C2CD3: variants seen among roughly 807,000 people sequenced by gnomAD.
C2CD3 encodes C2 domain containing 3 centriole elongation regulator, also known as C2 domain-containing protein 3.
In C2CD3, 148 loss-of-function variants were observed where a neutral mutation model predicts 234.0. The ratio of observed to expected loss-of-function variants is 0.63; its 90% confidence interval spans 0.55 to 0.72. The LOEUF (loss-of-function observed/expected upper bound fraction) is 0.72. C2CD3 is among the 30% of genes least tolerant of loss of function. The probability of loss-of-function intolerance (pLI) is 0.00; values close to 1 mark genes in which losing one functional copy is unlikely to be tolerated. For missense variants in C2CD3, 2,577 were observed against 2,811.5 expected (o/e 0.92, Z 1.89); for synonymous variants, 1,000 against 1,035.4 (o/e 0.97, Z 0.66).
intron 23 of C2CD3, among the ~76,000 whole-genome samples, chr11:74,077,807 AT>A (rs1955122960): frequency 4.3e-5 from 1 of 23,316 alleles, no homozygotes; most frequent in Non-Finnish European, 8.2e-5. Context: ...ATATATATAT[AT>A]ATATATATAT....
chr11:74,145,269 T>C (rs191760788), intron 3 of C2CD3, among the ~76,000 whole-genome samples: 1 of 152,340 alleles, frequency 6.6e-6, no homozygotes, highest in Admixed American at 6.5e-5. Context: ...TTCTGACTGG[T>C]GTAAGCCATT....
intron 30 of C2CD3, among the ~76,000 whole-genome samples, chr11:74,035,562 C>T (rs1465049657): frequency 1.3e-5 from 2 of 152,156 alleles, no homozygotes; most frequent in African/African-American, 2.4e-5. Flanking sequence ...ATCTCTAGGG[C>T]CTAGCCTAGC....
intron 3 of C2CD3, among the ~76,000 whole-genome samples, chr11:74,156,786 A>G (rs905600589): frequency 2.0e-5 from 3 of 152,222 alleles, no homozygotes; most frequent in Non-Finnish European, 2.9e-5. Flanking sequence ...CCTGGCCAAC[A>G]GGGTGAAAAC....
At chr11:74,122,915 T>TCTGG (rs1202353887) in intron 8 of C2CD3, 73 bp downstream of exon 8, 3 of 1,249,288 alleles carry the variant, frequency 2.4e-6, no homozygotes, top group Non-Finnish European at 3.5e-6. Flanking sequence ...TGCATAGCTG[T>TCTGG]CATGCCTGCA....
intron 3 of C2CD3, 23 bp from the exon 4 acceptor site, chr11:74,139,851 G>A (rs747678133): frequency 7.5e-6 from 11 of 1,459,938 alleles, no homozygotes; most frequent in South Asian, 1.1e-5. Context: ...GGTAGTATAT[G>A]AGAAATTTTC....
In C2CD3 at chr11:74,168,563, G is replaced by A. The variant is rs1856955234; in HGVS notation, c.106C>T (p.Gln36Ter). The A allele has an allele frequency of 6.2e-7, 1 of 1,613,986 alleles. No homozygotes were observed. Among genetic ancestry groups the A allele is most frequent in the South Asian group, 1.1e-5 (1 of 91,086 alleles). The change falls in exon 2 of 33, where the codon CAG becomes TAG. Residue 36 changes from glutamine (Q) to a stop codon, truncating the protein, a stop_gained. Coordinates refer to ENST00000334126, the MANE Select transcript of C2CD3 (RefSeq NM_001286577.2). LOFTEE classifies it high-confidence loss of function. Reference protein sequence around the residue: ...STSLPPLVEGQLRCFLKLTVN... With the variant: ...STSLPPLVEG ...GTAAGTTTTAGAAAACAGCGTAGCT[G>A]GCCTTCAACCAGAGGTGGCAGGCTT...
At chr11:74,103,007 A>T (rs1351680720) in intron 14 of C2CD3, 124 bp downstream of exon 14, 36 of 922,410 alleles carry the variant, frequency 3.9e-5, no homozygotes, top group Non-Finnish European at 4.9e-5. Context: ...GAATCTGTAC[A>T]CCAGATAATT....
At chr11:74,039,925 C>T (rs1322141089) in intron 29 of C2CD3, among the ~76,000 whole-genome samples, 1 of 152,194 alleles carries the variant, frequency 6.6e-6, no homozygotes, top group Non-Finnish European at 1.5e-5. Flanking sequence ...TTCACTTAAA[C>T]AGCCTACAAT....
chr11:74,142,203 T>C (rs1030161439), intron 3 of C2CD3: 13 of 152,278 alleles, frequency 8.5e-5, no homozygotes, highest in African/African-American at 2.9e-4. Flanking sequence ...CAATTTCATA[T>C]TGTTGGAACA....
chr11:74,027,787 C>T (rs1196932875), intron 32 of C2CD3, among the ~76,000 whole-genome samples: 1 of 152,212 alleles, frequency 6.6e-6, no homozygotes, highest in Non-Finnish European at 1.5e-5. Flanking sequence ...AGTTCAGGTG[C>T]TCTGCCAAGG....
intron 13 of C2CD3, among the ~76,000 whole-genome samples, chr11:74,105,789 T>C (rs1246840343): frequency 1.3e-5 from 2 of 152,238 alleles, no homozygotes; most frequent in Non-Finnish European, 2.9e-5. Context: ...TCTGGACTAA[T>C]GCCACAGCCC....
intron 3 of C2CD3, among the ~76,000 whole-genome samples, chr11:74,146,230 G>C (rs1462582113): frequency 6.6e-6 from 1 of 152,050 alleles, no homozygotes; most frequent in Non-Finnish European, 1.5e-5. Flanking sequence ...ATTTATAAAA[G>C]AATGTTTAGT....
intron 23 of C2CD3, among the ~76,000 whole-genome samples, chr11:74,075,480 T>C (rs552725520): frequency 5.6e-4 from 86 of 152,216 alleles, no homozygotes; most frequent in African/African-American, 1.8e-3. Context: ...TTAAATAAAC[T>C]GCCAACATCA....
chr11:74,037,351 A>G, intron 30 of C2CD3, 127 bp downstream of exon 30: 3 of 719,286 alleles, frequency 4.2e-6, no homozygotes, highest in Non-Finnish European at 4.8e-6. Flanking sequence ...AAAAAAAAAA[A>G]GGAAGAGGGT....
intron 3 of C2CD3, among the ~76,000 whole-genome samples, chr11:74,153,952 T>G (rs11236024): frequency 0.034 from 5,174 of 151,740 alleles, 90 homozygotes; most frequent in Middle Eastern, 0.048. Context: ...CAAACAAAAT[T>G]TAATGGGGTG....
intron 7 of C2CD3, chr11:74,129,273 C>G (rs1957544140): frequency 5.6e-6 from 1 of 177,082 alleles, no homozygotes; most frequent in Non-Finnish European, 1.2e-5. Context: ...CTCCTCACTT[C>G]TCAGACGGGG....
At position 74,128,952 on chromosome 11, in the gene C2CD3, C is replaced by T. The variant is rs550527203; in HGVS notation, c.1217+3892G>A. On this transcript the variant is annotated intron_variant, in intron 7 of 32. Transcript: ENST00000334126. ...AGTCTCCCATGTCTACTTCTTTCTA[C>T]ACAGACACAGCAACCATCCGATTTC... The T allele has an allele frequency of 2.0e-3, 563 of 286,950 alleles. 5 individuals carry two copies. Among genetic ancestry groups the T allele is most frequent in the African/African-American group, 0.012 (513 of 42,844 alleles). 17.8% of individuals were successfully genotyped at this position (286,950 alleles called of 1,614,324 possible). A position where few individuals can be genotyped will look rare whatever the true frequency, so the allele number is the denominator to read the frequency against.
intron 1 of C2CD3, 117 bp downstream of exon 1, chr11:74,170,621 C>T: frequency 1.7e-6 from 2 of 1,205,740 alleles, no homozygotes; most frequent in Non-Finnish European, 2.4e-6. Flanking sequence ...GGTTCCCTGG[C>T]TACTTCCTTC....
At chr11:74,072,716 CT>C (rs11404083) in intron 24 of C2CD3, among the ~76,000 whole-genome samples, 1 of 151,060 alleles carries the variant, frequency 6.6e-6, no homozygotes, top group Non-Finnish European at 1.5e-5. Flanking sequence ...TTTGTCTGTC[CT>C]TTTTTTTTAC....
Sources: allele counts gnomAD v4.1 joint callset (sites outside exome capture counted in the v4.1 genomes callset), GRCh38; gene constraint gnomAD v4.1.1; transcripts MANE v1.5; gene names NCBI Gene and HGNC (gene_info 2026-07-23, HGNC 2026-07-21).